Variants in STK3 observed in about 807,000 individuals in gnomAD.
STK3 encodes the protein serine/threonine kinase 3.
A neutral mutation model predicts 58.0 loss-of-function variants in STK3; 41 were observed. The observed-to-expected ratio is 0.71, with a 90% CI of 0.55 to 0.92. The LOEUF is 0.92. STK3 is among the 40% of genes least tolerant of loss of function. STK3 has a pLI of 0.00. For synonymous variants in STK3, 170 were observed against 191.0 expected, an observed-to-expected ratio of 0.89 and a Z score of 0.91; for missense variants, 479 against 602.7, an observed-to-expected ratio of 0.79 and a Z score of 2.15.
intron 3 of STK3, among the ~76,000 whole-genome samples, chr8:98,855,923 G>C (rs113731855): frequency 1.3e-5 from 2 of 151,938 alleles, no homozygotes; most frequent in African/African-American, 4.8e-5. Flanking sequence ...TTGGGAGGCC[G>C]AGGTGGGTGG....
At position 98,609,809 on chromosome 8, in the gene STK3, A is replaced by T. The variant is rs1817050887; in HGVS notation, c.685-13640T>A. Among the ~76,000 whole-genome samples the T allele has an allele frequency of 3.9e-5, 6 of 152,042 alleles. No individual in the cohort carries two copies. In the South Asian group the frequency reaches 1.3e-3, roughly 32 times the overall value. Reference sequence around the variant, plus strand: ...CCCCGTCTCTACTAAAAATACAAAAAATTAACTGGGCGTGGTGGCGGGCAC... The same window carrying T: ...CCCCGTCTCTACTAAAAATACAAAATATTAACTGGGCGTGGTGGCGGGCAC... On this transcript the variant is annotated intron_variant, in intron 6 of 10. Transcript: ENST00000419617.
intron 3 of STK3, among the ~76,000 whole-genome samples, chr8:98,877,487 T>G (rs1433493573): frequency 2.0e-5 from 3 of 152,162 alleles, no homozygotes; most frequent in South Asian, 2.1e-4. Flanking sequence ...TTGTTTGTTT[T>G]TTTGGTTTTT....
intron 10 of STK3, among the ~76,000 whole-genome samples, chr8:98,491,787 A>C (rs1822721495): frequency 6.6e-6 from 1 of 152,236 alleles, no homozygotes; most frequent in African/African-American, 2.4e-5. Context: ...AAAATGGCAT[A>C]TAAAGCCTTC....
chr8:98,374,763 A>T (rs1019050119), intron 2 of STK3, among the ~76,000 whole-genome samples: 8 of 152,204 alleles, frequency 5.3e-5, no homozygotes, highest in African/African-American at 1.9e-4. Flanking sequence ...TACTGTGTAA[A>T]CTACATTTCA....
intron 7 of STK3, among the ~76,000 whole-genome samples, chr8:98,590,971 C>T (rs1351733247): frequency 6.6e-6 from 1 of 151,944 alleles, no homozygotes; most frequent in Non-Finnish European, 1.5e-5. Context: ...TTCTTTTTTA[C>T]GTTGCTTTGC....
At chr8:98,627,669 T>C (rs1043885951) in intron 6 of STK3, among the ~76,000 whole-genome samples, 14 of 152,228 alleles carry the variant, frequency 9.2e-5, no homozygotes, top group Non-Finnish European at 1.9e-4. Context: ...TTGTATGACC[T>C]GTAGAACTGT....
chr8:98,921,986 G>A (rs1217434266), intron 1 of STK3, among the ~76,000 whole-genome samples: 2 of 152,078 alleles, frequency 1.3e-5, no homozygotes, highest in African/African-American at 2.4e-5. Context: ...AAGCCACCAC[G>A]CCCGGCCTAT....
intron 8 of STK3, among the ~76,000 whole-genome samples, chr8:98,576,772 A>G (rs1813425877): frequency 1.3e-5 from 2 of 152,198 alleles, no homozygotes; most frequent in Admixed American, 1.3e-4. Flanking sequence ...TACTAGCTCT[A>G]GCAGATTTAG....
intron 4 of STK3, among the ~76,000 whole-genome samples, chr8:98,744,861 G>A (rs1587495330): frequency 6.6e-6 from 1 of 151,504 alleles, no homozygotes; most frequent in East Asian, 1.9e-4. Flanking sequence ...CAGTTAAAAA[G>A]GGATAGAAAA....
At chr8:98,711,815 T>A (rs934142399) in intron 4 of STK3, among the ~76,000 whole-genome samples, 1 of 151,950 alleles carries the variant, frequency 6.6e-6, no homozygotes, top group African/African-American at 2.4e-5. Flanking sequence ...GAAGAGCAAC[T>A]CCAAGACACA....
At chr8:98,654,599 C>G (rs2130740389) in intron 6 of STK3, among the ~76,000 whole-genome samples, 1 of 152,252 alleles carries the variant, frequency 6.6e-6, no homozygotes, top group Middle Eastern at 3.4e-3. Context: ...TGTGTTAGCC[C>G]AAAATCTCCT....
intron 1 of STK3, among the ~76,000 whole-genome samples, chr8:98,795,741 T>A (rs1232152285): frequency 3.3e-5 from 5 of 151,976 alleles, no homozygotes; most frequent in Non-Finnish European, 1.5e-5. Context: ...TATACACCAG[T>A]AACGTTCCAG....
chr8:98,726,261 C>T (rs1013505332), intron 4 of STK3, among the ~76,000 whole-genome samples: 3 of 152,100 alleles, frequency 2.0e-5, no homozygotes, highest in Non-Finnish European at 2.9e-5. Flanking sequence ...CAAGGAAATA[C>T]CTTTGTAAAC....
intron 2 of STK3, among the ~76,000 whole-genome samples, chr8:98,773,626 T>A (rs956039048): frequency 6.6e-6 from 1 of 152,044 alleles, no homozygotes; most frequent in African/African-American, 2.4e-5. Flanking sequence ...TATATTTCCA[T>A]TATTTGTTTT....
intron 10 of STK3, among the ~76,000 whole-genome samples, chr8:98,482,772 G>A (rs1413092832): frequency 6.6e-6 from 1 of 152,102 alleles, no homozygotes; most frequent in Non-Finnish European, 1.5e-5. Flanking sequence ...TCCCTGGGTA[G>A]AAGTTATGTT....
chr8:98,664,371 C>T (rs1039382250), intron 6 of STK3, among the ~76,000 whole-genome samples: 5 of 152,178 alleles, frequency 3.3e-5, no homozygotes, highest in African/African-American at 1.2e-4. Context: ...TGTCCAATGG[C>T]AATCACAGTT....
intron 3 of STK3, among the ~76,000 whole-genome samples, chr8:98,837,363 C>CAAAA (rs533620773): frequency 1.3e-3 from 81 of 60,796 alleles, no homozygotes; most frequent in Non-Finnish European, 1.4e-3. Flanking sequence ...TGGAGCTCAG[C>CAAAA]AAAAAAAAAA....
At chr8:98,355,904 AG>A in the STK3 span, among the ~76,000 whole-genome samples, 5 of 152,336 alleles carry the variant, frequency 3.3e-5, no homozygotes, top group East Asian at 9.6e-4. Flanking sequence ...TTACTGGTGA[AG>A]GGGCTTCTAA....
intron 1 of STK3, among the ~76,000 whole-genome samples, chr8:98,891,985 G>A (rs1838218091): frequency 2.0e-5 from 3 of 152,140 alleles, no homozygotes. Context: ...AAGTAAAAAT[G>A]AGTGCCAGAG....
Sources: gnomAD v4.1 joint callset for allele counts (sites outside exome capture counted in the v4.1 genomes callset) on GRCh38, gnomAD v4.1.1 for gene constraint, MANE v1.5 for transcripts, NCBI Gene and HGNC (gene_info 2026-07-23, HGNC 2026-07-21) for gene names.